The following WASHC4 variants were observed in gnomAD, a reference collection of about 807,000 sequenced individuals.
WASHC4 encodes WASH complex subunit 7.
Under a neutral mutation model 166.6 loss-of-function variants are expected in WASHC4, and 86 were observed. That is an observed-to-expected ratio of 0.52 (90% CI 0.43 to 0.62). The LOEUF (loss-of-function observed/expected upper bound fraction) is 0.62. Ranked by LOEUF, WASHC4 falls within the 20% of genes least tolerant of loss-of-function variation. The pLI is 0.00. For synonymous variants in WASHC4, 446 were observed against 451.6 expected (o/e 0.99, Z 0.16); for missense variants, 1,262 against 1,382.4 (o/e 0.91, Z 1.38).
At chr12:105,111,723 G>C (rs1879693220) in intron 2 of WASHC4, among the ~76,000 whole-genome samples, 1 of 152,072 alleles carries the variant, frequency 6.6e-6, no homozygotes, top group South Asian at 2.1e-4. Flanking sequence ...TAATGTGTGA[G>C]TAATTTTTTA....
At chr12:105,119,135 A>G (rs1270870514) in intron 7 of WASHC4, among the ~76,000 whole-genome samples, 2 of 152,170 alleles carry the variant, frequency 1.3e-5, no homozygotes, top group Non-Finnish European at 2.9e-5. Context: ...CAGAAAGGAA[A>G]AGATTGAGGT....
chr12:105,126,726 A>C (rs1490001540), intron 12 of WASHC4, among the ~76,000 whole-genome samples: 1 of 152,052 alleles, frequency 6.6e-6, no homozygotes, highest in Non-Finnish European at 1.5e-5. Context: ...ATCTGATTTC[A>C]AAATTGAAAG....
chr12:105,108,351 G>A (rs1170767192), intron 1 of WASHC4, among the ~76,000 whole-genome samples: 7 of 152,152 alleles, frequency 4.6e-5, no homozygotes, highest in African/African-American at 1.7e-4. Context: ...TTCCCATCGC[G>A]TTGCTATAAC....
intron 6 of WASHC4, among the ~76,000 whole-genome samples, chr12:105,116,214 C>T (rs2135727886): frequency 6.6e-6 from 1 of 152,178 alleles, no homozygotes; most frequent in East Asian, 1.9e-4. Flanking sequence ...GCTTCTATTT[C>T]CTCCTCTGTG....
chr12:105,151,729 C>T (rs935826722), intron 25 of WASHC4, among the ~76,000 whole-genome samples: 1 of 152,180 alleles, frequency 6.6e-6, no homozygotes, highest in Non-Finnish European at 1.5e-5. Flanking sequence ...ATCTGCCTGC[C>T]TCGGCCTCCC....
intron 13 of WASHC4, among the ~76,000 whole-genome samples, chr12:105,131,668 C>A (rs929067527): frequency 6.6e-6 from 1 of 152,124 alleles, no homozygotes. Flanking sequence ...TTGATCACAA[C>A]CTCCTCCTCA....
chr12:105,163,046 TC>T (rs1884601090), intron 30 of WASHC4, among the ~76,000 whole-genome samples: 2 of 151,852 alleles, frequency 1.3e-5, no homozygotes, highest in African/African-American at 2.4e-5. Flanking sequence ...AAGCTCCGCC[TC>T]CTGGGTTCAC....
intron 10 of WASHC4, among the ~76,000 whole-genome samples, chr12:105,124,144 A>C (rs1881049537): frequency 7.0e-6 from 1 of 142,780 alleles, no homozygotes; most frequent in Non-Finnish European, 1.5e-5. Flanking sequence ...TTCGAGACGG[A>C]CTTTCACTCT....
chr12:105,167,800 A>C lies in WASHC4; in HGVS notation c.*869A>C, dbSNP rs1224530222. 6.6e-6 allele frequency: 1 copy of C among 152,318 alleles called. No individual in the cohort carries two copies. Among genetic ancestry groups the C allele is most frequent in the African/African-American group, 2.4e-5 (1 of 41,408 alleles). The allele number at this position is 152,318 out of a possible 1,614,324, so 9.4% of individuals were successfully genotyped here. On this transcript the variant is annotated 3_prime_UTR_variant, in exon 33 of 33. Transcript: ENST00000332180. ...GATGGTTTGGGTAGACTTTTTTTTT[A>C]TATCAAGTATAATTTAAAACATCAG...
Position 105,152,411 on chromosome 12 carries a change from G to C in WASHC4, c.2718G>C (p.Gln906His). ...IRKLGVTPEG[Q>H]SYLDQFRQLI... ...AACTTGGAGTAACACCTGAGGGACA[G>C]AGCTACCTTGATCAATTCAGGCAAC... Residue 906 changes from glutamine (Q) to histidine (H), a missense_variant, in exon 26 of 33, where the codon CAG (glutamine) becomes CAC (histidine). Gln to His is a conservative substitution (Grantham distance 24). Coordinates refer to ENST00000332180, the MANE Select transcript of WASHC4 (RefSeq NM_015275.3). The C allele has an allele frequency of 6.2e-7, 1 of 1,605,404 alleles. No individual in the cohort carries two copies. The highest frequency in any genetic ancestry group is 8.5e-7 in the Non-Finnish European group (1 of 1,172,202).
intron 4 of WASHC4, among the ~76,000 whole-genome samples, chr12:105,114,880 C>T (rs1880034796): frequency 6.6e-6 from 1 of 151,848 alleles, no homozygotes; most frequent in Non-Finnish European, 1.5e-5. Flanking sequence ...TTTTCTTCTC[C>T]TGCTTTTTGA....
chr12:105,147,988 G>A lies in WASHC4; in HGVS notation c.2514+842G>A, dbSNP rs973190481. Reference sequence around the variant, plus strand: ...CTCGTATGCTATTTTTCTGTCTGTGGAAAAAGAGAAGTCTTTGAATTTACC... The same window carrying A: ...CTCGTATGCTATTTTTCTGTCTGTGAAAAAAGAGAAGTCTTTGAATTTACC... On this transcript the variant is annotated intron_variant, in intron 24 of 32. Transcript: ENST00000332180. 12 of 985,154 alleles carry A rather than the reference G, an allele frequency of 1.2e-5. No individual in the cohort carries two copies. In the African/African-American group the frequency reaches 1.7e-4, roughly 14 times the overall value. The allele number at this position is 985,154 out of a possible 1,614,324, so 61.0% of individuals were successfully genotyped here. A position where few individuals can be genotyped will look rare whatever the true frequency, so the allele number is the denominator to read the frequency against.
In WASHC4 at chr12:105,166,860, T is replaced by C; in HGVS notation, c.3455-4T>C. 6.3e-7 allele frequency: 1 copy of C among 1,590,754 alleles called. No homozygotes were observed. On this transcript the variant is annotated splice_region_variant and splice_polypyrimidine_tract_variant and intron_variant, in intron 32 of 32. Coordinates refer to ENST00000332180, the MANE Select transcript of WASHC4 (RefSeq NM_015275.3). ...TCCATTATTATTTTCACTCATGCTT[T>C]CAGAAGAAACTAAAACAAGCAATGG... is the stretch of plus-strand genomic sequence containing the variant.
intron 25 of WASHC4, among the ~76,000 whole-genome samples, chr12:105,151,048 G>A (rs1592907382): frequency 6.6e-6 from 1 of 150,422 alleles, no homozygotes; most frequent in East Asian, 2.0e-4. Context: ...ATATCACTGA[G>A]GCACAAGAAT....
chr12:105,131,630 C>T (rs910513373), intron 13 of WASHC4, among the ~76,000 whole-genome samples: 3 of 152,126 alleles, frequency 2.0e-5, no homozygotes, highest in Admixed American at 6.5e-5. Flanking sequence ...TTTCTGTTCT[C>T]TCCTGTACAT....
rs1182170606 is a variant in WASHC4, at chr12:105,144,845, A to T, written c.2307A>T (p.Ala769=). The change falls in exon 22 of 33, where the codon GCA becomes GCT. Residue 769 remains alanine, a synonymous_variant. Transcript: ENST00000332180. ...GTTATGGACTGGTTATGACAGAGGCACATCTTCCCAGTCAGACTTTGGAAC... is the reference window on the plus strand; with the variant it reads ...GTTATGGACTGGTTATGACAGAGGCTCATCTTCCCAGTCAGACTTTGGAAC... ...TQRYGLVMTE[A]HLPSQTLEQG... is the part of the protein sequence containing the mutation. 6.2e-7 allele frequency: 1 copy of T among 1,613,156 alleles called. No individual in the cohort carries two copies.
At chr12:105,132,693 G>A (rs1239526195) in intron 13 of WASHC4, among the ~76,000 whole-genome samples, 4 of 151,932 alleles carry the variant, frequency 2.6e-5, no homozygotes, top group African/African-American at 9.7e-5. Context: ...TTATGATCTT[G>A]CTGCCTACTT....
intron 15 of WASHC4, among the ~76,000 whole-genome samples, chr12:105,138,526 CA>C (rs2135784705): frequency 6.6e-6 from 1 of 152,232 alleles, no homozygotes; most frequent in East Asian, 1.9e-4. Flanking sequence ...TTAAGAATTA[CA>C]GTGCACTTAT....
At chr12:105,149,587 T>C in intron 24 of WASHC4, 28 bp from the exon 25 acceptor site, 1 of 1,321,784 alleles carries the variant, frequency 7.6e-7, no homozygotes, top group Non-Finnish European at 1.1e-6. Context: ...ATTAACTTTT[T>C]TCAACTTTTT....
Sources: gnomAD v4.1 joint callset for allele counts (sites outside exome capture counted in the v4.1 genomes callset) on GRCh38, gnomAD v4.1.1 for gene constraint, MANE v1.5 for transcripts, NCBI Gene and HGNC (gene_info 2026-07-23, HGNC 2026-07-21) for gene names.